The following CFAP70 variants were observed in gnomAD, a reference collection of about 807,000 sequenced individuals.
CFAP70 encodes the protein cilia and flagella associated protein 70, also known as cilia- and flagella-associated protein 70.
A neutral mutation model predicts 137.6 loss-of-function variants in CFAP70; 81 were observed. The observed-to-expected ratio is 0.59, with a 90% CI of 0.49 to 0.71. CFAP70 has a LOEUF of 0.71. Ranked by LOEUF, CFAP70 falls within the 30% of genes least tolerant of loss-of-function variation. CFAP70 has a pLI of 0.00. For missense variants in CFAP70, 976 were observed against 1,226.7 expected, an observed-to-expected ratio of 0.80 and a Z score of 3.05; for synonymous variants, 382 against 423.6, an observed-to-expected ratio of 0.90 and a Z score of 1.20.
At chr10:73,268,884 G>A (rs1201455660) in intron 25 of CFAP70, among the ~76,000 whole-genome samples, 1 of 151,758 alleles carries the variant, frequency 6.6e-6, no homozygotes, top group Non-Finnish European at 1.5e-5. Flanking sequence ...GCAGGGTTTT[G>A]CCATGTTCCC....
intron 6 of CFAP70, among the ~76,000 whole-genome samples, chr10:73,340,014 A>G (rs904187974): frequency 6.6e-6 from 1 of 152,242 alleles, no homozygotes; most frequent in South Asian, 2.1e-4. Context: ...AATGAGGTAC[A>G]CAGACAAGCG....
upstream of CFAP70, among the ~76,000 whole-genome samples, chr10:73,361,368 C>G (rs1241361530): frequency 6.7e-6 from 1 of 149,048 alleles, no homozygotes; most frequent in Admixed American, 6.7e-5. Context: ...TCTCGGCTCA[C>G]TGCAACCTCT....
intron 3 of CFAP70, among the ~76,000 whole-genome samples, chr10:73,349,529 C>A (rs188339900): frequency 7.4e-5 from 11 of 148,614 alleles, no homozygotes; most frequent in African/African-American, 2.7e-4. Context: ...GGCGACAGAG[C>A]GAGACTCCGT....
chr10:73,258,317 T>C (rs1039759844), intron 25 of CFAP70, among the ~76,000 whole-genome samples: 3 of 152,254 alleles, frequency 2.0e-5, no homozygotes, highest in Admixed American at 2.0e-4. Flanking sequence ...TAATTTCTTA[T>C]GCCTGTCTTT....
At chr10:73,286,372 A>G (rs958656707) in intron 19 of CFAP70, among the ~76,000 whole-genome samples, 1 of 152,066 alleles carries the variant, frequency 6.6e-6, no homozygotes, top group African/African-American at 2.4e-5. Context: ...TGAACCCGGG[A>G]GGCGGAGCTT....
At chr10:73,310,291 T>C (rs1486183287) in intron 11 of CFAP70, 42 bp from the exon 13 acceptor site, 3 of 1,432,850 alleles carry the variant, frequency 2.1e-6, no homozygotes, top group East Asian at 4.6e-5. Flanking sequence ...GAAAAAAATA[T>C]ATTTATGAAA....
intron 6 of CFAP70, among the ~76,000 whole-genome samples, chr10:73,337,437 T>C (rs148183485): frequency 0.012 from 1,820 of 152,240 alleles, 46 homozygotes; most frequent in African/African-American, 0.042. Flanking sequence ...TGAGCTGAGA[T>C]AGCGCCATTG....
At chr10:73,274,631 G>A (rs2046558547) in intron 22 of CFAP70, 37 bp from the exon 24 acceptor site, 6 of 1,554,832 alleles carry the variant, frequency 3.9e-6, no homozygotes, top group Non-Finnish European at 5.2e-6. Context: ...ATGGGATAAG[G>A]TAGTATTTAA....
At chr10:73,301,940 G>A (rs1394818848) in intron 12 of CFAP70, among the ~76,000 whole-genome samples, 1 of 152,096 alleles carries the variant, frequency 6.6e-6, no homozygotes, top group African/African-American at 2.4e-5. Flanking sequence ...GATGGTGGTA[G>A]AGAAGTATAT....
At chr10:73,330,306 C>T (rs28520134) in intron 8 of CFAP70, among the ~76,000 whole-genome samples, 3,533 of 151,680 alleles carry the variant, frequency 0.023, 117 homozygotes, top group African/African-American at 0.073. Context: ...AAAAATTAGC[C>T]GGGCGTGGTG....
chr10:73,336,976 T>C (rs1441247386), intron 6 of CFAP70, among the ~76,000 whole-genome samples: 1 of 152,094 alleles, frequency 6.6e-6, no homozygotes, highest in Non-Finnish European at 1.5e-5. Flanking sequence ...ATACAGCAAG[T>C]ACAAATAAAG....
At chr10:73,267,817 G>A (rs1280267744) in intron 25 of CFAP70, among the ~76,000 whole-genome samples, 1 of 152,148 alleles carries the variant, frequency 6.6e-6, no homozygotes. Context: ...CAGTTTGTTG[G>A]TAGAATTCAG....
intron 9 of CFAP70, among the ~76,000 whole-genome samples, chr10:73,319,743 G>C (rs925653750): frequency 1.3e-5 from 2 of 151,980 alleles, no homozygotes; most frequent in African/African-American, 4.8e-5. Flanking sequence ...ACATCAGTTT[G>C]GTTCTATAAC....
chr10:73,256,612 A>G (rs906496792), intron 25 of CFAP70, among the ~76,000 whole-genome samples, 196 bp from the exon 27 acceptor site: 1 of 152,086 alleles, frequency 6.6e-6, no homozygotes. Context: ...TTTTTTAAAA[A>G]ATTCCTCCTG....
intron 25 of CFAP70, among the ~76,000 whole-genome samples, chr10:73,262,114 C>T (rs1323052503): frequency 2.1e-5 from 3 of 146,258 alleles, no homozygotes; most frequent in African/African-American, 5.0e-5. Flanking sequence ...CAGTAGTCTC[C>T]CTTATCTGAG....
chr10:73,362,793 T>C (rs1383473622), upstream of CFAP70, among the ~76,000 whole-genome samples: 1 of 152,102 alleles, frequency 6.6e-6, no homozygotes, highest in African/African-American at 2.4e-5. Flanking sequence ...TGGCTAGGAC[T>C]TCCAGTACTA....
intron 19 of CFAP70, among the ~76,000 whole-genome samples, chr10:73,286,311 G>GC (rs1295232357): frequency 5.3e-5 from 8 of 152,100 alleles, no homozygotes; most frequent in Non-Finnish European, 4.4e-5. Flanking sequence ...GGGCGTGGTG[G>GC]CGGGTGCCTG....
At chr10:73,309,223 C>T (rs1054988412) in intron 12 of CFAP70, among the ~76,000 whole-genome samples, 9 of 152,176 alleles carry the variant, frequency 5.9e-5, no homozygotes, top group South Asian at 2.1e-4. Context: ...TATTAGAATA[C>T]TATGAACAAT....
chr10:73,317,064 C>T (rs1410894669), intron 9 of CFAP70, among the ~76,000 whole-genome samples: 2 of 152,186 alleles, frequency 1.3e-5, no homozygotes, highest in African/African-American at 4.8e-5. Flanking sequence ...CTCACTCTGT[C>T]ATCTAGGCTG....
Sources: allele counts gnomAD v4.1 joint callset (sites outside exome capture counted in the v4.1 genomes callset), GRCh38; gene constraint gnomAD v4.1.1; transcripts MANE v1.5; gene names NCBI Gene and HGNC (gene_info 2026-07-23, HGNC 2026-07-21).